DLG2: variants seen among roughly 807,000 people sequenced by gnomAD.
The protein encoded by DLG2 is disks large homolog 2.
A neutral mutation model predicts 132.5 loss-of-function variants in DLG2; 45 were observed. The ratio of observed to expected loss-of-function variants is 0.34; its 90% CI spans 0.27 to 0.44. The LOEUF is 0.44. Among genes scored for constraint, DLG2 ranks in the 20% least tolerant of loss-of-function variants. The pLI is 1.00. For synonymous variants in DLG2, 424 were observed against 419.6 expected (o/e 1.01, Z -0.13); for missense variants, 1,045 against 1,196.9 (o/e 0.87, Z 1.87).
chr11:83,882,124 G>T (rs893664594), intron 15 of DLG2, among the ~76,000 whole-genome samples: 9 of 152,044 alleles, frequency 5.9e-5, no homozygotes, highest in Admixed American at 5.2e-4. Context: ...AAAAAAATGG[G>T]TCCCAGGTTT....
chr11:84,063,566 G>C (rs1307350118), intron 10 of DLG2, among the ~76,000 whole-genome samples: 1 of 152,030 alleles, frequency 6.6e-6, no homozygotes, highest in Non-Finnish European at 1.5e-5. Flanking sequence ...TATTCCTCAG[G>C]GATCTAGAAC....
At chr11:84,670,756 C>T (rs1184647173) in intron 6 of DLG2, among the ~76,000 whole-genome samples, 1 of 152,120 alleles carries the variant, frequency 6.6e-6, no homozygotes. Flanking sequence ...TTAGTCCTGT[C>T]TGATTCAAAG....
intron 6 of DLG2, among the ~76,000 whole-genome samples, chr11:84,741,000 T>C (rs1486702058): frequency 6.7e-6 from 1 of 149,836 alleles, no homozygotes; most frequent in Admixed American, 6.6e-5. Context: ...AGCATCCCCA[T>C]GGACTACGCA....
intron 6 of DLG2, among the ~76,000 whole-genome samples, chr11:85,105,905 T>C (rs960972996): frequency 2.6e-5 from 4 of 151,270 alleles, no homozygotes; most frequent in Non-Finnish European, 5.9e-5. Context: ...CTGAGTGCCA[T>C]GGTCTGTGTA....
At chr11:85,504,845 G>C (rs1296252747) in intron 3 of DLG2, among the ~76,000 whole-genome samples, 1 of 152,190 alleles carries the variant, frequency 6.6e-6, no homozygotes, top group African/African-American at 2.4e-5. Flanking sequence ...CTATCCATGA[G>C]CATGGAATGT....
intron 12 of DLG2, among the ~76,000 whole-genome samples, chr11:83,970,395 G>A (rs1273525324): frequency 2.0e-5 from 3 of 152,138 alleles, no homozygotes; most frequent in African/African-American, 7.2e-5. Context: ...TGAGAAATGG[G>A]GAAAGAGGAT....
At chr11:84,772,871 T>C (rs915785229) in intron 6 of DLG2, among the ~76,000 whole-genome samples, 10 of 151,590 alleles carry the variant, frequency 6.6e-5, no homozygotes, top group Admixed American at 2.6e-4. Context: ...TGACCTAATA[T>C]CACACCAAGA....
intron 7 of DLG2, among the ~76,000 whole-genome samples, chr11:84,303,860 T>A (rs1259695832): frequency 6.6e-6 from 1 of 152,210 alleles, no homozygotes; most frequent in Non-Finnish European, 1.5e-5. Flanking sequence ...TTAAGACACC[T>A]GCATAATCAG....
chr11:85,278,031 T>C (rs2077999786), intron 4 of DLG2, among the ~76,000 whole-genome samples: 1 of 152,174 alleles, frequency 6.6e-6, no homozygotes, highest in Non-Finnish European at 1.5e-5. Context: ...ATTAAGGCTC[T>C]CAAGCAGACA....
intron 7 of DLG2, among the ~76,000 whole-genome samples, chr11:84,324,858 A>G (rs889602671): frequency 1.4e-4 from 21 of 152,074 alleles, no homozygotes; most frequent in Non-Finnish European, 2.4e-4. Flanking sequence ...TAATTTTTGT[A>G]TATTGATTTT....
At chr11:84,980,215 A>T (rs1309532672) in intron 6 of DLG2, among the ~76,000 whole-genome samples, 1 of 152,200 alleles carries the variant, frequency 6.6e-6, no homozygotes, top group African/African-American at 2.4e-5. Flanking sequence ...AATTATTTCT[A>T]ATTTTACTTA....
intron 8 of DLG2, among the ~76,000 whole-genome samples, chr11:84,220,490 G>T (rs570127229): frequency 6.6e-6 from 1 of 152,232 alleles, no homozygotes; most frequent in African/African-American, 2.4e-5. Flanking sequence ...CACTCCTGGT[G>T]CTAGCAAACT....
chr11:85,506,908 G>A (rs2093948275), intron 3 of DLG2, among the ~76,000 whole-genome samples: 1 of 152,124 alleles, frequency 6.6e-6, no homozygotes, highest in Non-Finnish European at 1.5e-5. Flanking sequence ...CTCCTGTATT[G>A]GGTGCATATA....
intron 3 of DLG2, among the ~76,000 whole-genome samples, chr11:85,364,688 C>T (rs531808817): frequency 5.3e-5 from 8 of 152,170 alleles, no homozygotes; most frequent in African/African-American, 1.7e-4. Context: ...ATAAACTAGA[C>T]AGAATTGTTA....
intron 3 of DLG2, among the ~76,000 whole-genome samples, chr11:85,460,646 C>T (rs1290334097): frequency 1.3e-5 from 2 of 152,268 alleles, no homozygotes; most frequent in East Asian, 3.9e-4. Context: ...TGCACACTAG[C>T]TACTAATAGC....
intron 17 of DLG2, chr11:83,790,972 G>A: frequency 1.2e-6 from 1 of 860,308 alleles, no homozygotes; most frequent in South Asian, 1.6e-5. Flanking sequence ...TCCAGGCGAA[G>A]ATACAGGTCT....
At chr11:85,350,339 T>C (rs1596439873) in intron 3 of DLG2, among the ~76,000 whole-genome samples, 1 of 152,328 alleles carries the variant, frequency 6.6e-6, no homozygotes, top group Admixed American at 6.5e-5. Context: ...TTGCAAAAAT[T>C]TTCCCCCATT....
At chr11:85,303,375 C>T (rs539644425) in intron 3 of DLG2, among the ~76,000 whole-genome samples, 5 of 152,122 alleles carry the variant, frequency 3.3e-5, no homozygotes, top group South Asian at 2.1e-4. Flanking sequence ...TCATTTTGAC[C>T]ATGAGAAATG....
chr11:84,045,050 G>T (rs1451263876), intron 11 of DLG2, among the ~76,000 whole-genome samples: 1 of 151,740 alleles, frequency 6.6e-6, no homozygotes, highest in Non-Finnish European at 1.5e-5. Flanking sequence ...CTCATTTTGT[G>T]AGTTACTGAA....
Sources: allele counts gnomAD v4.1 joint callset (sites outside exome capture counted in the v4.1 genomes callset), GRCh38; gene constraint gnomAD v4.1.1; transcripts MANE v1.5; gene names NCBI Gene and HGNC (gene_info 2026-07-23, HGNC 2026-07-21).